CARM1: variants seen among roughly 807,000 people sequenced by gnomAD.
CARM1 encodes the protein histone-arginine methyltransferase CARM1.
A neutral mutation model predicts 72.7 loss-of-function variants in CARM1; 14 were observed. That is an observed-to-expected ratio of 0.19 (90% CI 0.13 to 0.30). The LOEUF is 0.30. CARM1 is among the 10% of genes least tolerant of loss of function. The pLI is 1.00. For synonymous variants in CARM1, 333 were observed against 345.5 expected (o/e 0.96, Z 0.40); for missense variants, 432 against 833.7 (o/e 0.52, Z 5.93).
intron 6 of CARM1, among the ~76,000 whole-genome samples, chr19:10,914,271 C>T (rs989813021): frequency 6.6e-6 from 1 of 152,238 alleles, no homozygotes; most frequent in Non-Finnish European, 1.5e-5. Context: ...GCTGCCCACT[C>T]GCCCAGACAG....
chr19:10,906,717 C>T (rs747191817), intron 2 of CARM1, among the ~76,000 whole-genome samples: 10 of 151,276 alleles, frequency 6.6e-5, no homozygotes, highest in Admixed American at 2.6e-4. Flanking sequence ...CGCCTGCCTC[C>T]GCCTCCCAAA....
chr19:10,893,338 G>A (rs781491676), intron 1 of CARM1, among the ~76,000 whole-genome samples: 1 of 149,776 alleles, frequency 6.7e-6, no homozygotes, highest in Non-Finnish European at 1.5e-5. Flanking sequence ...CCCCCACTGT[G>A]CCTATTTTAT....
intron 2 of CARM1, among the ~76,000 whole-genome samples, chr19:10,906,870 A>ATTTTG (rs1451591160): frequency 9.7e-6 from 1 of 102,942 alleles, no homozygotes; most frequent in Admixed American, 1.0e-4. Context: ...GCTTTATTTT[A>ATTTTG]TTTTATTTTA....
In CARM1 at chr19:10,888,210, T is replaced by A. The variant is rs112517851; in HGVS notation, c.220+16288T>A. On this transcript the variant is annotated intron_variant, in intron 1 of 15. Coordinates refer to ENST00000327064, the MANE Select transcript of CARM1 (RefSeq NM_199141.2). ...CAGGAAGCAGGCTTGATTGCCTCCT[T>A]GTAGTGGTGAGGCTCAGGGGTCAAC... 1.3e-3 allele frequency among the ~76,000 whole-genome samples: 202 copies of A among 152,214 alleles called. 1 individual carries two copies. The highest frequency in any genetic ancestry group is 4.7e-3 in the African/African-American group (194 of 41,524).
intron 1 of CARM1, among the ~76,000 whole-genome samples, chr19:10,874,198 C>T (rs958813461): frequency 2.6e-5 from 4 of 151,926 alleles, no homozygotes; most frequent in Admixed American, 1.3e-4. Flanking sequence ...CTCAAGTGAT[C>T]TTCCTGCCTC....
In CARM1 at chr19:10,916,422, C is replaced by T; in HGVS notation, c.863C>T (p.Thr288Ile). The part of the protein sequence containing the change: ...YLKPSGNMFP[T>I]IGDVHLAPFT... ...CCACTCCCAGGAAACATGTTTCCTA[C>T]CATTGGTGACGTCCACCTTGCACCC... Residue 288 changes from threonine to isoleucine, a missense_variant, in exon 7 of 16, where the codon ACC (threonine) becomes ATC (isoleucine). Thr to Ile is a moderately conservative substitution (Grantham distance 89). Coordinates refer to ENST00000327064, the MANE Select transcript of CARM1 (RefSeq NM_199141.2). The surrounding 1 kb of genome is among the most constrained non-coding windows in gnomAD (Gnocchi z 4.4). 1 of 1,613,348 alleles carries T rather than the reference C, an allele frequency of 6.2e-7. No homozygotes were observed. Among genetic ancestry groups the T allele is most frequent in the Non-Finnish European group, 8.5e-7 (1 of 1,179,478 alleles).
At chr19:10,894,888 G>A (rs979910754) in intron 1 of CARM1, among the ~76,000 whole-genome samples, 19 of 151,664 alleles carry the variant, frequency 1.3e-4, no homozygotes, top group African/African-American at 3.4e-4. Flanking sequence ...CTACAGGTGC[G>A]CATCACCATG....
chr19:10,877,541 C>T (rs1410677483), intron 1 of CARM1, among the ~76,000 whole-genome samples: 1 of 151,222 alleles, frequency 6.6e-6, no homozygotes, highest in African/African-American at 2.4e-5. Context: ...TCATGCCTCA[C>T]CCTCCTGAGT....
In CARM1 at chr19:10,921,085, G is replaced by A; in HGVS notation, c.1573G>A (p.Ala525Thr). 1 of 1,614,190 alleles carries A rather than the reference G, an allele frequency of 6.2e-7. No homozygotes were observed. The highest frequency in any genetic ancestry group is 8.5e-7 in the Non-Finnish European group (1 of 1,180,008). Residue 525 changes from alanine (A) to threonine (T), a missense_variant, in exon 14 of 16, where the codon GCC becomes ACC. Coordinates refer to ENST00000327064, the MANE Select transcript of CARM1 (RefSeq NM_199141.2). ...PTAYDLSSVI[A>T]SGSSVGHNNL... ...CGCCTATGACTTGAGCAGTGTTATT[G>A]CCAGTGGCTCCAGCGTGGGCCACAA... is the stretch of plus-strand genomic sequence containing the variant.
intron 1 of CARM1, among the ~76,000 whole-genome samples, chr19:10,886,471 C>T (rs1391936608): frequency 1.3e-5 from 2 of 151,332 alleles, no homozygotes; most frequent in Non-Finnish European, 2.9e-5. Context: ...GCTGGGATTA[C>T]AGGCGTGAGT....
chr19:10,894,831 C>T (rs2074012956), intron 1 of CARM1, among the ~76,000 whole-genome samples: 1 of 151,486 alleles, frequency 6.6e-6, no homozygotes, highest in African/African-American at 2.4e-5. Context: ...GCCTTGACCT[C>T]CCAGGCTCAA....
chr19:10,905,621 T>A (rs903311876), intron 2 of CARM1, among the ~76,000 whole-genome samples: 1 of 152,136 alleles, frequency 6.6e-6, no homozygotes, highest in Non-Finnish European at 1.5e-5. Flanking sequence ...GCAGGCTTGG[T>A]TACCAGAGAC....
At chr19:10,921,338 C>G in intron 14 of CARM1, 37 bp from the exon 15 acceptor site, 1 of 1,608,098 alleles carries the variant, frequency 6.2e-7, no homozygotes, top group South Asian at 1.1e-5. Context: ...GCGGTGACGC[C>G]GTCTCCCTTC....
At position 10,896,266 on chromosome 19, in the gene CARM1, A is replaced by G. The variant is rs2074023416; in HGVS notation, c.221-8685A>G. ...CTGCCGTGGAGCTGCTTGCTGCCCC[A>G]CCCACCATTCTCTAGTGTATTTTCT... is the stretch of plus-strand genomic sequence containing the variant. On this transcript the variant is annotated intron_variant, in intron 1 of 15. Transcript: ENST00000327064. This position sits in a 1 kb window ranked among gnomAD's most constrained non-coding sequence, Gnocchi z 5.2. 6.6e-6 allele frequency among the ~76,000 whole-genome samples: 1 copy of G among 151,782 alleles called. No individual in the cohort carries two copies. Among genetic ancestry groups the G allele is most frequent in the Non-Finnish European group, 1.5e-5 (1 of 67,910 alleles).
At chr19:10,880,098 G>T (rs1228542465) in intron 1 of CARM1, among the ~76,000 whole-genome samples, 1 of 152,214 alleles carries the variant, frequency 6.6e-6, no homozygotes, top group Non-Finnish European at 1.5e-5. Context: ...AGACCAGGTT[G>T]GATTTAGCAG....
At chr19:10,892,645 A>G (rs1224568794) in intron 1 of CARM1, among the ~76,000 whole-genome samples, 1 of 152,202 alleles carries the variant, frequency 6.6e-6, no homozygotes, top group African/African-American at 2.4e-5. Context: ...TTGTTTATGA[A>G]GTACTTAACA....
intron 1 of CARM1, among the ~76,000 whole-genome samples, chr19:10,899,995 G>A (rs771372040): frequency 5.9e-5 from 9 of 152,026 alleles, no homozygotes; most frequent in Non-Finnish European, 1.0e-4. Flanking sequence ...AATTACAGGC[G>A]TGAGCCACCA....
intron 1 of CARM1, among the ~76,000 whole-genome samples, chr19:10,900,582 T>G (rs2074056438): frequency 6.6e-6 from 1 of 152,250 alleles, no homozygotes; most frequent in Non-Finnish European, 1.5e-5. Flanking sequence ...TTTGTCAGTT[T>G]ATGGACATTT....
intron 1 of CARM1, among the ~76,000 whole-genome samples, chr19:10,893,157 C>T (rs1353317932): frequency 6.8e-6 from 1 of 147,278 alleles, no homozygotes; most frequent in Non-Finnish European, 1.5e-5. Flanking sequence ...CCTGCCTTAG[C>T]CTCCCGAGTT....
Sources: gnomAD v4.1 joint callset for allele counts (sites outside exome capture counted in the v4.1 genomes callset) on GRCh38, gnomAD v4.1.1 for gene constraint, Gnocchi (gnomAD v3.1) non-coding constraint, MANE v1.5 for transcripts, NCBI Gene and HGNC (gene_info 2026-07-23, HGNC 2026-07-21) for gene names.